Variants in ZNF346 observed in about 807,000 individuals in gnomAD.
The protein encoded by ZNF346 is double-stranded RNA-binding zinc finger protein JAZ.
ZNF346 carries 23 observed loss-of-function variants against 33.7 expected under a neutral mutation model. That is an observed-to-expected ratio of 0.68 (90% CI 0.49 to 0.97). ZNF346 has a LOEUF of 0.97. Ranked by LOEUF, ZNF346 falls within the 50% of genes least tolerant of loss-of-function variation. The pLI is 0.00. For synonymous variants in ZNF346, 134 were observed against 142.4 expected (o/e 0.94, Z 0.42); for missense variants, 340 against 371.1 (o/e 0.92, Z 0.69).
intron 2 of ZNF346, among the ~76,000 whole-genome samples, chr5:177,041,502 A>T (rs1278517128): frequency 3.9e-5 from 6 of 152,078 alleles, no homozygotes; most frequent in Non-Finnish European, 1.5e-5. Context: ...TTAAATCAAA[A>T]CTCTGCTACT....
Position 177,022,920 on chromosome 5 carries a change from C to G in ZNF346, c.175+7C>G. 6.8e-7 allele frequency: 1 copy of G among 1,462,514 alleles called. No individual in the cohort carries two copies. The highest frequency in any genetic ancestry group is 9.0e-7 in the Non-Finnish European group (1 of 1,107,714). The allele number at this position is 1,462,514 out of a possible 1,614,324, so 90.6% of individuals were successfully genotyped here. A position where few individuals can be genotyped will look rare whatever the true frequency, so the allele number is the denominator to read the frequency against. Reference sequence around the variant, plus strand: ...CCGGTGGGTAGAGAGGAAGGTGAGTCGGGGGCTTTGGAGGCAGAAAGCCCC... The same window carrying G: ...CCGGTGGGTAGAGAGGAAGGTGAGTGGGGGGCTTTGGAGGCAGAAAGCCCC... On this transcript the variant is annotated splice_region_variant and intron_variant, in intron 1 of 6. Transcript: ENST00000358149.
At chr5:177,052,612 A>G (rs1237749342) in intron 5 of ZNF346, 3 of 152,238 alleles carry the variant, frequency 2.0e-5, no homozygotes, top group Non-Finnish European at 4.4e-5. Flanking sequence ...GTACCTCCAC[A>G]AAGGTGAACC....
intron 5 of ZNF346, among the ~76,000 whole-genome samples, chr5:177,057,219 G>C (rs1436974500): frequency 6.6e-6 from 1 of 152,090 alleles, no homozygotes. Flanking sequence ...ACTTGAACCC[G>C]GGAGGCGGCG....
At chr5:177,057,267 G>A (rs879461981) in intron 5 of ZNF346, among the ~76,000 whole-genome samples, 7 of 151,906 alleles carry the variant, frequency 4.6e-5, no homozygotes, top group Non-Finnish European at 5.9e-5. Flanking sequence ...GCACTACACC[G>A]TGGGTGACAA....
At chr5:177,028,759 G>T (rs1308502247) in intron 1 of ZNF346, among the ~76,000 whole-genome samples, 1 of 107,976 alleles carries the variant, frequency 9.3e-6, no homozygotes, top group African/African-American at 3.7e-5. Context: ...TCGCTCTGTT[G>T]CCCAGGCTGG....
At chr5:177,078,668 T>G (rs2149722565) in intron 8 of ZNF346, among the ~76,000 whole-genome samples, 1 of 152,260 alleles carries the variant, frequency 6.6e-6, no homozygotes, top group Admixed American at 6.5e-5. Flanking sequence ...TCCCAGCACT[T>G]TGGGAGGCCA....
chr5:177,023,372 C>T (rs151265374), intron 1 of ZNF346: 41 of 683,066 alleles, frequency 6.0e-5, no homozygotes, highest in Admixed American at 9.4e-5. Context: ...TCCTTACCCC[C>T]TGGGTTCCTC....
At chr5:177,055,798 G>C (rs145731705) in intron 5 of ZNF346, among the ~76,000 whole-genome samples, 3 of 151,784 alleles carry the variant, frequency 2.0e-5, no homozygotes, top group African/African-American at 7.3e-5. Flanking sequence ...AAAATTGGCC[G>C]GGTGCAGTGG....
At chr5:177,057,796 T>TA (rs1781915256) in intron 5 of ZNF346, among the ~76,000 whole-genome samples, 5 of 117,134 alleles carry the variant, frequency 4.3e-5, no homozygotes, top group South Asian at 3.3e-4. Context: ...TCATAGATTT[T>TA]CTTATTTATT....
intron 5 of ZNF346, among the ~76,000 whole-genome samples, chr5:177,051,197 CAG>C (rs1369815619): frequency 2.8e-5 from 3 of 108,760 alleles, no homozygotes; most frequent in African/African-American, 3.8e-5. Context: ...TTTTTTGAGA[CAG>C]AGTCTTGCTC....
chr5:177,044,646 G>A, intron 4 of ZNF346, 113 bp downstream of exon 4: 1 of 1,172,764 alleles, frequency 8.5e-7, no homozygotes, highest in South Asian at 1.5e-5. Context: ...AAGTTGAATT[G>A]CTTTTGAGAA....
intron 1 of ZNF346, among the ~76,000 whole-genome samples, chr5:177,026,097 G>A (rs1382806931): frequency 6.6e-6 from 1 of 151,240 alleles, no homozygotes; most frequent in Non-Finnish European, 1.5e-5. Flanking sequence ...TTCTCCTGGA[G>A]GAGGTCAAGC....
chr5:177,067,683 A>G lies in ZNF346; in HGVS notation c.*3084A>G, dbSNP rs1279353915. 6.6e-6 allele frequency among the ~76,000 whole-genome samples: 1 copy of G among 152,240 alleles called. No individual in the cohort carries two copies. Among genetic ancestry groups the G allele is most frequent in the African/African-American group, 2.4e-5 (1 of 41,468 alleles). On this transcript the variant is annotated 3_prime_UTR_variant, in exon 7 of 7. Coordinates refer to ENST00000358149, the MANE Select transcript of ZNF346 (RefSeq NM_012279.4). ...AGGGGTTCACACACAGTCAAAGATC[A>G]TGATGACAATGATAAGAATGCCCAG...
chr5:177,042,600 C>T (rs1779479853), intron 3 of ZNF346, among the ~76,000 whole-genome samples: 1 of 152,230 alleles, frequency 6.6e-6, no homozygotes, highest in Non-Finnish European at 1.5e-5. Flanking sequence ...ACTCTATAGA[C>T]TGCTACCTCC....
intron 1 of ZNF346, among the ~76,000 whole-genome samples, chr5:177,027,669 TA>T (rs1287520493): frequency 1.3e-5 from 2 of 151,012 alleles, no homozygotes; most frequent in Non-Finnish European, 1.5e-5. Context: ...TTTTTTTTTT[TA>T]AATTCTCTAT....
chr5:177,076,705 A>G (rs1404637611), intron 8 of ZNF346, among the ~76,000 whole-genome samples: 1 of 152,188 alleles, frequency 6.6e-6, no homozygotes, highest in East Asian at 1.9e-4. Flanking sequence ...CCCTGTGACT[A>G]TCTCAATGGT....
intron 1 of ZNF346, among the ~76,000 whole-genome samples, chr5:177,036,288 CT>C (rs1561978794): frequency 6.6e-6 from 1 of 152,164 alleles, no homozygotes; most frequent in Admixed American, 6.5e-5. Flanking sequence ...AGTCAGACTG[CT>C]TACATGGTGG....
chr5:177,054,265 C>T (rs1275833215), intron 5 of ZNF346, among the ~76,000 whole-genome samples: 1 of 152,036 alleles, frequency 6.6e-6, no homozygotes, highest in Non-Finnish European at 1.5e-5. Context: ...GAGCTAGAGT[C>T]TCGCCACGTT....
chr5:177,044,604 C>A, intron 4 of ZNF346, 71 bp downstream of exon 4: 1 of 1,523,696 alleles, frequency 6.6e-7, no homozygotes. Context: ...CAGGGGCTCA[C>A]AGAGATCCTC....
Sources: allele counts gnomAD v4.1 joint callset (sites outside exome capture counted in the v4.1 genomes callset), GRCh38; gene constraint gnomAD v4.1.1; transcripts MANE v1.5; gene names NCBI Gene and HGNC (gene_info 2026-07-23, HGNC 2026-07-21).